The following YBEY variants were observed in gnomAD, a reference collection of about 807,000 sequenced individuals.
The protein encoded by YBEY is endoribonuclease YbeY.
YBEY carries 15 observed loss-of-function variants against 13.5 expected under a neutral mutation model. That is an observed-to-expected ratio of 1.11 (90% CI 0.75 to 1.72). The LOEUF is 1.72. YBEY is among the 40% of genes most tolerant of loss of function. The pLI is 0.00. For synonymous variants in YBEY, 101 were observed against 83.1 expected (o/e 1.21, Z -1.17); for missense variants, 244 against 208.4 (o/e 1.17, Z -1.05).
chr21:46,309,865 G>A, the YBEY span, among the ~76,000 whole-genome samples: 40 of 152,072 alleles, frequency 2.6e-4, no homozygotes, highest in South Asian at 6.2e-4. Context: ...GCGTGGTGGC[G>A]GGTACCTGTA....
the YBEY span, among the ~76,000 whole-genome samples, chr21:46,308,830 A>C: frequency 6.6e-6 from 1 of 152,116 alleles, no homozygotes; most frequent in African/African-American, 2.4e-5. Context: ...TTATCATGGG[A>C]GGAGAAATGG....
downstream of YBEY, chr21:46,301,401 C>T (rs138422828): frequency 4.0e-5 from 34 of 853,074 alleles, no homozygotes; most frequent in African/African-American, 4.9e-4. Context: ...CCTGCCTCAG[C>T]CTCTTAAAGT....
intron 3 of YBEY, chr21:46,291,875 A>T (rs2081726831): frequency 2.0e-6 from 2 of 1,019,950 alleles, no homozygotes; most frequent in South Asian, 7.3e-5. Flanking sequence ...CACAGACAAA[A>T]CCAATTCACT....
intron 2 of YBEY, among the ~76,000 whole-genome samples, chr21:46,288,075 T>G (rs1236616737): frequency 6.6e-6 from 1 of 151,666 alleles, no homozygotes; most frequent in Non-Finnish European, 1.5e-5. Context: ...CCTAATGCTC[T>G]CAGTGAATTA....
At chr21:46,302,652 G>A (rs946907117), downstream of YBEY, 2 of 1,188,472 alleles carry the variant, frequency 1.7e-6, no homozygotes, top group African/African-American at 3.0e-5. Context: ...AGCATTATAG[G>A]ACCAGAGAAC....
At chr21:46,289,411 G>A (rs948200670) in intron 2 of YBEY, among the ~76,000 whole-genome samples, 1 of 151,068 alleles carries the variant, frequency 6.6e-6, no homozygotes, top group Non-Finnish European at 1.5e-5. Flanking sequence ...GTGGATATTC[G>A]CATATTCAGG....
intron 3 of YBEY, among the ~76,000 whole-genome samples, chr21:46,295,732 G>C (rs930069752): frequency 6.6e-6 from 1 of 150,940 alleles, no homozygotes; most frequent in Admixed American, 6.6e-5. Context: ...CATCCTGACT[G>C]GGGGTTGGAC....
In YBEY at chr21:46,291,400, C is replaced by G. The variant is rs766903993; in HGVS notation, c.277C>G (p.Leu93Val). The G allele has an allele frequency of 6.2e-7, 1 of 1,614,060 alleles. No homozygotes were observed. Among genetic ancestry groups the G allele is most frequent in the African/African-American group, 1.3e-5 (1 of 75,012 alleles). Reference sequence around the variant, plus strand: ...TGACTACAATTTGGGAGACATTTTCCTAGGAGTGGAGTATATCTTCCATCA... The same window carrying G: ...TGACTACAATTTGGGAGACATTTTCGTAGGAGTGGAGTATATCTTCCATCA... Reference protein sequence around the residue: ...PDDYNLGDIFLGVEYIFHQCK... With the variant: ...PDDYNLGDIFVGVEYIFHQCK... The change falls in exon 3 of 5, where the codon CTA becomes GTA. Residue 93 changes from leucine to valine, a missense_variant. Transcript: ENST00000397701.
chr21:46,301,004 C>T (rs562130315), downstream of YBEY: 170 of 901,246 alleles, frequency 1.9e-4, 2 homozygotes, highest in African/African-American at 2.7e-3. Flanking sequence ...CACTGCCCAG[C>T]ACTCACCTTT....
chr21:46,291,506 T>TG, intron 3 of YBEY, 44 bp downstream of exon 3: 1 of 1,608,148 alleles, frequency 6.2e-7, no homozygotes, highest in Non-Finnish European at 8.5e-7. Context: ...TCATGGAACA[T>TG]GGGCCTTGCA....
At chr21:46,302,949 T>G in the YBEY span, among the ~76,000 whole-genome samples, 15 of 147,336 alleles carry the variant, frequency 1.0e-4, no homozygotes, top group Non-Finnish European at 1.7e-4. Context: ...GGGCGCGCCC[T>G]GAGCCCGTCT....
downstream of YBEY, among the ~76,000 whole-genome samples, chr21:46,298,630 T>C (rs368675033): frequency 7.4e-4 from 113 of 151,800 alleles, 1 homozygote; most frequent in African/African-American, 1.6e-3. Context: ...GGGGTTTCAC[T>C]GTGTTAGCCA....
At chr21:46,300,379 C>T (rs181548382), downstream of YBEY, 46 of 168,348 alleles carry the variant, frequency 2.7e-4, no homozygotes, top group East Asian at 3.8e-3. Context: ...TGCAGTGAGC[C>T]GAGATCGCTC....
At chr21:46,295,486 C>T (rs768888271) in intron 3 of YBEY, among the ~76,000 whole-genome samples, 14 of 152,072 alleles carry the variant, frequency 9.2e-5, no homozygotes, top group Non-Finnish European at 2.1e-4. Context: ...CCTCCCTCCT[C>T]TTCCTCCTCC....
chr21:46,294,653 C>T (rs1364836478), intron 3 of YBEY, among the ~76,000 whole-genome samples: 3 of 119,392 alleles, frequency 2.5e-5, no homozygotes, highest in African/African-American at 5.4e-5. Flanking sequence ...GATTAAATTC[C>T]TCCCGCGGTT....
chr21:46,304,153 A>G, the YBEY span, among the ~76,000 whole-genome samples: 1 of 145,408 alleles, frequency 6.9e-6, no homozygotes, highest in African/African-American at 2.6e-5. Context: ...TAGCCTCCTG[A>G]GTAGCTGGGA....
At chr21:46,296,128 C>T (rs368366625) in intron 3 of YBEY, 34 bp from the exon 4 acceptor site, 7 of 1,612,992 alleles carry the variant, frequency 4.3e-6, no homozygotes, top group Middle Eastern at 1.7e-4. Context: ...CCTGTGGGGT[C>T]ATCCTCTGAG....
At chr21:46,298,446 T>TTTTTTTTTTTA (rs1375821400), downstream of YBEY, among the ~76,000 whole-genome samples, 1 of 139,730 alleles carries the variant, frequency 7.2e-6, no homozygotes, top group African/African-American at 2.6e-5. Context: ...TTTTTTTTTT[T>TTTTTTTTTTTA]GAGACGGAGT....
At chr21:46,300,136 GA>G (rs2082068632), downstream of YBEY, 1 of 152,370 alleles carries the variant, frequency 6.6e-6, no homozygotes, top group African/African-American at 2.4e-5. Flanking sequence ...ATTCTGTTGA[GA>G]AATATTTAAT....
Sources: allele counts gnomAD v4.1 joint callset (sites outside exome capture counted in the v4.1 genomes callset), GRCh38; gene constraint gnomAD v4.1.1; transcripts MANE v1.5; gene names NCBI Gene and HGNC (gene_info 2026-07-23, HGNC 2026-07-21).